WWOX: variants seen among roughly 807,000 people sequenced by gnomAD.
WWOX encodes the protein WW domain-containing oxidoreductase.
In WWOX, 69 loss-of-function variants were observed where a neutral mutation model predicts 46.2. The observed-to-expected ratio is 1.49, with a 90% CI of 1.23 to 1.82. WWOX has a LOEUF of 1.82. Among genes scored for constraint, WWOX ranks in the 40% most tolerant of loss-of-function variants. The probability of loss-of-function intolerance (pLI) is 0.00; values close to 1 mark genes in which losing one functional copy is unlikely to be tolerated. For missense variants in WWOX, 919 were observed against 542.6 expected (o/e 1.69, Z -6.89); for synonymous variants, 359 against 202.6 (o/e 1.77, Z -6.56).
intron 8 of WWOX, among the ~76,000 whole-genome samples, chr16:78,823,667 G>A (rs1281149143): frequency 2.6e-5 from 4 of 152,120 alleles, no homozygotes; most frequent in Admixed American, 1.3e-4. Flanking sequence ...ACACGTATCT[G>A]TGCAAATGTG....
intron 5 of WWOX, among the ~76,000 whole-genome samples, chr16:78,177,856 C>T (rs1032245860): frequency 6.6e-6 from 1 of 152,140 alleles, no homozygotes; most frequent in African/African-American, 2.4e-5. Flanking sequence ...CAGAAAAGGA[C>T]GAGACGGGGA....
intron 8 of WWOX, among the ~76,000 whole-genome samples, chr16:78,492,298 A>G (rs534661925): frequency 5.9e-5 from 9 of 151,990 alleles, no homozygotes; most frequent in South Asian, 2.1e-4. Context: ...TGCAAACTGT[A>G]TAATTTTTTT....
intron 8 of WWOX, among the ~76,000 whole-genome samples, chr16:78,645,549 C>G (rs569341181): frequency 3.9e-5 from 6 of 152,076 alleles, no homozygotes; most frequent in African/African-American, 1.4e-4. Flanking sequence ...GCAGCTTCTA[C>G]TCATGGTGGA....
intron 5 of WWOX, among the ~76,000 whole-genome samples, chr16:78,227,562 G>T (rs1298361138): frequency 2.0e-5 from 3 of 152,116 alleles, no homozygotes; most frequent in Non-Finnish European, 2.9e-5. Context: ...TTGAAGGACC[G>T]CAGGAGAAGT....
At chr16:78,463,872 T>G (rs890005246) in intron 8 of WWOX, among the ~76,000 whole-genome samples, 4 of 152,176 alleles carry the variant, frequency 2.6e-5, no homozygotes, top group Non-Finnish European at 5.9e-5. Flanking sequence ...GAGCTAAACT[T>G]CCTCCTTTTC....
chr16:78,531,901 C>A (rs752658720), intron 8 of WWOX, among the ~76,000 whole-genome samples: 3 of 152,044 alleles, frequency 2.0e-5, no homozygotes, highest in Non-Finnish European at 2.9e-5. Flanking sequence ...TTTAAACCTG[C>A]CAACTACAAT....
chr16:78,423,113 C>T (rs1284683242), intron 6 of WWOX, among the ~76,000 whole-genome samples: 2 of 151,906 alleles, frequency 1.3e-5, no homozygotes, highest in South Asian at 4.2e-4. Flanking sequence ...TCTTGAACTT[C>T]TGACCTCGTG....
At chr16:79,073,875 AT>A (rs1420595647) in intron 8 of WWOX, among the ~76,000 whole-genome samples, 2 of 152,138 alleles carry the variant, frequency 1.3e-5, no homozygotes, top group Admixed American at 6.5e-5. Context: ...CCAGGTAGTA[AT>A]TTTAAAATGG....
At chr16:78,484,041 A>G (rs575983615) in intron 8 of WWOX, among the ~76,000 whole-genome samples, 21 of 152,286 alleles carry the variant, frequency 1.4e-4, no homozygotes, top group African/African-American at 5.1e-4. Context: ...TCAGTTATAG[A>G]TAAGTATGCT....
intron 8 of WWOX, among the ~76,000 whole-genome samples, chr16:78,587,189 C>G: frequency 8.2e-6 from 1 of 122,304 alleles, no homozygotes; most frequent in South Asian, 2.5e-4. Context: ...CCATGCCTGG[C>G]TAACTTTTTT....
chr16:78,911,342 T>G (rs1221812091), intron 8 of WWOX, among the ~76,000 whole-genome samples: 1 of 152,084 alleles, frequency 6.6e-6, no homozygotes, highest in African/African-American at 2.4e-5. Context: ...ATCACATATT[T>G]GTAAACTGTA....
At chr16:78,395,588 A>T (rs908484105) in intron 6 of WWOX, among the ~76,000 whole-genome samples, 2 of 152,044 alleles carry the variant, frequency 1.3e-5, no homozygotes, top group African/African-American at 4.8e-5. Flanking sequence ...CCCAGGAATG[A>T]TCTTTACAAT....
chr16:78,975,975 T>C (rs2046564783), intron 8 of WWOX, among the ~76,000 whole-genome samples: 1 of 152,302 alleles, frequency 6.6e-6, no homozygotes, highest in East Asian at 1.9e-4. Context: ...TAGTTGCCGG[T>C]GCTTGGAAAC....
chr16:78,370,649 T>C (rs1199213725), intron 5 of WWOX, among the ~76,000 whole-genome samples: 1 of 152,168 alleles, frequency 6.6e-6, no homozygotes, highest in African/African-American at 2.4e-5. Flanking sequence ...TTTCTCCATA[T>C]TCTGGGAGAA....
chr16:78,412,782 G>A, intron 6 of WWOX, among the ~76,000 whole-genome samples: 1 of 152,192 alleles, frequency 6.6e-6, no homozygotes, highest in East Asian at 1.9e-4. Context: ...AATTCATTCA[G>A]CTGATGATGA....
At chr16:79,134,499 T>G (rs566538930) in intron 8 of WWOX, among the ~76,000 whole-genome samples, 4 of 152,254 alleles carry the variant, frequency 2.6e-5, no homozygotes, top group Admixed American at 6.5e-5. Flanking sequence ...GCCTGCGGAT[T>G]GTTTGTTGTT....
intron 8 of WWOX, among the ~76,000 whole-genome samples, chr16:78,444,039 A>C (rs1183450146): frequency 6.6e-6 from 1 of 152,180 alleles, no homozygotes; most frequent in African/African-American, 2.4e-5. Context: ...GTGAGGTGTA[A>C]GGTAATGTTT....
intron 8 of WWOX, among the ~76,000 whole-genome samples, chr16:79,119,314 A>T (rs760228492): frequency 6.6e-6 from 1 of 152,180 alleles, no homozygotes; most frequent in Admixed American, 6.5e-5. Context: ...GGCTACATTA[A>T]CCCAGCATTT....
chr16:78,786,816 G>C (rs1342263381), intron 8 of WWOX, among the ~76,000 whole-genome samples: 1 of 152,160 alleles, frequency 6.6e-6, no homozygotes, highest in Non-Finnish European at 1.5e-5. Flanking sequence ...ATGCTTTATG[G>C]ATTTTTAAAT....
Sources: allele counts gnomAD v4.1 joint callset (sites outside exome capture counted in the v4.1 genomes callset), GRCh38; gene constraint gnomAD v4.1.1; transcripts MANE v1.5; gene names NCBI Gene and HGNC (gene_info 2026-07-23, HGNC 2026-07-21).